The following MYOCD variants were observed in gnomAD, a reference collection of about 807,000 sequenced individuals.
The protein encoded by MYOCD is myocardin.
MYOCD carries 32 observed loss-of-function variants against 96.1 expected under a neutral mutation model. The observed-to-expected ratio is 0.33, with a 90% CI of 0.25 to 0.45. The LOEUF (loss-of-function observed/expected upper bound fraction) is 0.45. Ranked by LOEUF, MYOCD falls within the 20% of genes least tolerant of loss-of-function variation. The pLI is 1.00. For missense variants in MYOCD, 1,133 were observed against 1,200.6 expected, an observed-to-expected ratio of 0.94 and a Z score of 0.83; for synonymous variants, 469 against 469.0, an observed-to-expected ratio of 1.00 and a Z score of 0.00.
At position 12,745,940 on chromosome 17, in the gene MYOCD, C is replaced by A. The variant is rs1435987904; in HGVS notation, c.993C>A (p.Val331=). The A allele has an allele frequency of 6.2e-7, 1 of 1,613,912 alleles. No individual in the cohort carries two copies. The highest frequency in any genetic ancestry group is 8.5e-7 in the Non-Finnish European group (1 of 1,180,012). ...AQLKEPNEQM[V]RNPNSSSTPL... The stretch of plus-strand genomic sequence containing the variant: ...TTAGGGAACCAAATGAACAGATGGT[C>A]AGAAATCCAAACTCTTCTTCAACGC... The change falls in exon 9 of 14, where the codon GTC becomes GTA. Residue 331 remains valine (V), a synonymous_variant. Transcript: ENST00000425538.
At chr17:12,757,153 A>C (rs578046838) in intron 11 of MYOCD, among the ~76,000 whole-genome samples, 14 of 152,310 alleles carry the variant, frequency 9.2e-5, no homozygotes, top group African/African-American at 3.4e-4. Flanking sequence ...GTCACAGTGC[A>C]ATATCTTTAT....
intron 5 of MYOCD, among the ~76,000 whole-genome samples, chr17:12,733,037 G>A (rs1597790404): frequency 1.3e-5 from 2 of 152,132 alleles, no homozygotes; most frequent in Admixed American, 6.5e-5. Context: ...TAGGCTGGGC[G>A]CGGTGGCTCA....
chr17:12,679,881 T>C (rs1472070263), intron 1 of MYOCD, among the ~76,000 whole-genome samples: 2 of 152,210 alleles, frequency 1.3e-5, no homozygotes, highest in African/African-American at 2.4e-5. Context: ...TGTTCAGGTA[T>C]ATGAATCAGA....
At chr17:12,682,822 A>T (rs1205617340) in intron 1 of MYOCD, among the ~76,000 whole-genome samples, 1 of 152,216 alleles carries the variant, frequency 6.6e-6, no homozygotes, top group African/African-American at 2.4e-5. Flanking sequence ...TTAAAAGTAG[A>T]TCTCAAAGCT....
intron 2 of MYOCD, among the ~76,000 whole-genome samples, chr17:12,713,894 T>C (rs1331825110): frequency 6.6e-6 from 1 of 152,168 alleles, no homozygotes; most frequent in African/African-American, 2.4e-5. Context: ...AAGGGTCATC[T>C]AAAAAGGGAG....
chr17:12,760,872 TA>T (rs2033149783), intron 13 of MYOCD, 165 bp downstream of exon 13: 3 of 608,386 alleles, frequency 4.9e-6, no homozygotes, highest in Non-Finnish European at 3.0e-6. Context: ...TTAGAGCTGA[TA>T]AAAGAAGGCT....
At chr17:12,668,265 C>T (rs768631629) in intron 1 of MYOCD, among the ~76,000 whole-genome samples, 54 of 151,664 alleles carry the variant, frequency 3.6e-4, no homozygotes, top group Non-Finnish European at 7.1e-4. Flanking sequence ...TTCTTCTCCT[C>T]CTTCTCTTTC....
At position 12,710,805 on chromosome 17, in the gene MYOCD, A is replaced by G. The variant is rs2031458829; in HGVS notation, c.122-4714A>G. On this transcript the variant is annotated intron_variant, in intron 2 of 13. Coordinates refer to ENST00000425538, the MANE Select transcript of MYOCD (RefSeq NM_001146312.3). ...TCTAACATCTCAAATTCAGAGATAG[A>G]AAAAGGTGCCCTGGATTTTCATGTC... 2.6e-5 allele frequency among the ~76,000 whole-genome samples: 4 copies of G among 152,318 alleles called. No individual in the cohort carries two copies. In the South Asian group the frequency reaches 8.3e-4, roughly 32 times the overall value.
At chr17:12,742,139 G>A (rs150676085) in intron 7 of MYOCD, among the ~76,000 whole-genome samples, 2 of 152,186 alleles carry the variant, frequency 1.3e-5, no homozygotes, top group African/African-American at 4.8e-5. Context: ...AGCAGGCCAG[G>A]GCAGAGCTGG....
At chr17:12,760,464 G>T in intron 12 of MYOCD, 186 bp from the exon 13 acceptor site, 1 of 571,782 alleles carries the variant, frequency 1.7e-6, no homozygotes, top group Non-Finnish European at 3.2e-6. Context: ...TGTACTTAAT[G>T]CCCCTTAACT....
At chr17:12,687,716 C>T (rs74430425) in intron 1 of MYOCD, among the ~76,000 whole-genome samples, 12 of 152,074 alleles carry the variant, frequency 7.9e-5, no homozygotes, top group Non-Finnish European at 1.5e-4. Context: ...CATTCTTTGG[C>T]GCTGAAGAGG....
At chr17:12,736,393 T>A in intron 6 of MYOCD, 57 bp downstream of exon 6, 1 of 1,565,530 alleles carries the variant, frequency 6.4e-7, no homozygotes, top group African/African-American at 1.4e-5. Flanking sequence ...TGTATTATCG[T>A]TTCAGTCTTA....
intron 1 of MYOCD, among the ~76,000 whole-genome samples, chr17:12,677,417 A>T (rs956155615): frequency 8.8e-5 from 13 of 148,384 alleles, no homozygotes; most frequent in African/African-American, 2.7e-4. Context: ...TTAAAAATTA[A>T]AAAAAAACTT....
At chr17:12,721,302 C>T (rs946275387) in intron 4 of MYOCD, among the ~76,000 whole-genome samples, 3 of 152,122 alleles carry the variant, frequency 2.0e-5, no homozygotes, top group East Asian at 1.9e-4. Flanking sequence ...GAATTAGCTT[C>T]TTGGAGCATA....
At position 12,765,623 on chromosome 17, in the gene MYOCD, C is replaced by T. The variant is rs955526188; in HGVS notation, c.*1979C>T. The T allele has an allele frequency of 2.0e-5, 3 of 152,180 alleles. No individual in the cohort carries two copies. The highest frequency in any genetic ancestry group is 2.9e-5 in the Non-Finnish European group (2 of 68,036). 9.4% of individuals were successfully genotyped at this position (152,180 alleles called of 1,614,324 possible). On this transcript the variant is annotated 3_prime_UTR_variant, in exon 14 of 14. Transcript: ENST00000425538. ...TCTCCAAAAGCGGCGTTACAGAGTT[C>T]TACACCAAAAGCCTTTAACCCTTAA...
intron 1 of MYOCD, among the ~76,000 whole-genome samples, chr17:12,668,453 G>T (rs72811261): frequency 0.14 from 21,123 of 152,230 alleles, 1,693 homozygotes; most frequent in African/African-American, 0.21. Context: ...TTATAGGTGA[G>T]CAGATAACTG....
At chr17:12,754,868 A>G (rs557749666) in intron 10 of MYOCD, among the ~76,000 whole-genome samples, 1 of 152,328 alleles carries the variant, frequency 6.6e-6, no homozygotes, top group South Asian at 2.1e-4. Flanking sequence ...GAAACCTATG[A>G]GCTCCAATGT....
In MYOCD at chr17:12,760,691, G is replaced by A. The variant is rs771963357; in HGVS notation, c.2373G>A (p.Val791=). The change falls in exon 13 of 14, where the codon GTG becomes GTA. Residue 791 remains valine (V), a synonymous_variant. Transcript: ENST00000425538. ...AGCAGATGGATGAACTCCTGGACGT[G>A]CTTATTGAAAGCGGAGGTAAGACTG... The part of the protein sequence containing the change: ...RSQQMDELLD[V]LIESGEMPAD... 6.2e-7 allele frequency: 1 copy of A among 1,613,948 alleles called. No homozygotes were observed. Among genetic ancestry groups the A allele is most frequent in the East Asian group, 2.2e-5 (1 of 44,880 alleles).
intron 12 of MYOCD, among the ~76,000 whole-genome samples, chr17:12,758,876 C>G (rs1461799057): frequency 6.6e-6 from 1 of 151,932 alleles, no homozygotes; most frequent in East Asian, 1.9e-4. Context: ...TGGTGAGACC[C>G]CATCTCTACT....
Sources: allele counts gnomAD v4.1 joint callset (sites outside exome capture counted in the v4.1 genomes callset), GRCh38; gene constraint gnomAD v4.1.1; transcripts MANE v1.5; gene names NCBI Gene and HGNC (gene_info 2026-07-23, HGNC 2026-07-21).